The following VWC2L variants were observed in gnomAD, a reference collection of about 807,000 sequenced individuals.
VWC2L encodes von Willebrand factor C domain-containing protein 2-like.
Under a neutral mutation model 21.6 loss-of-function variants are expected in VWC2L, and 10 were observed. The ratio of observed to expected loss-of-function variants is 0.46; its 90% CI spans 0.29 to 0.78. The LOEUF (loss-of-function observed/expected upper bound fraction) is 0.78, where lower values mean the gene tolerates loss of function less well. Ranked by LOEUF, VWC2L falls within the 30% of genes least tolerant of loss-of-function variation. The pLI, the probability that VWC2L is intolerant of heterozygous loss-of-function variation, is 0.10. For missense variants in VWC2L, 209 were observed against 277.1 expected (o/e 0.75, Z 1.74); for synonymous variants, 96 against 94.3 (o/e 1.02, Z -0.10).
chr2:214,493,379 G>T (rs1688770486), intron 3 of VWC2L, among the ~76,000 whole-genome samples: 1 of 152,254 alleles, frequency 6.6e-6, no homozygotes, highest in African/African-American at 2.4e-5. Context: ...GAAAGCTATT[G>T]GTTCATATAA....
chr2:214,492,851 G>A (rs2126201865), intron 3 of VWC2L, among the ~76,000 whole-genome samples: 1 of 152,258 alleles, frequency 6.6e-6, no homozygotes, highest in Middle Eastern at 3.4e-3. Context: ...GACTGGAGAA[G>A]AATCCAAGTT....
intron 3 of VWC2L, among the ~76,000 whole-genome samples, chr2:214,443,199 T>C (rs553187730): frequency 6.6e-6 from 1 of 151,944 alleles, no homozygotes; most frequent in East Asian, 1.9e-4. Context: ...GCCAGCATGG[T>C]GAAACCCTGT....
At chr2:214,572,752 G>T (rs184515189) in intron 3 of VWC2L, among the ~76,000 whole-genome samples, 2 of 152,098 alleles carry the variant, frequency 1.3e-5, no homozygotes, top group African/African-American at 4.8e-5. Context: ...GACTTCTGTA[G>T]TTACACCTAA....
intron 3 of VWC2L, among the ~76,000 whole-genome samples, chr2:214,501,988 G>A (rs1276536628): frequency 6.6e-6 from 1 of 152,194 alleles, no homozygotes; most frequent in East Asian, 1.9e-4. Flanking sequence ...CCAGCAAGAT[G>A]AGCGGAACTC....
intron 3 of VWC2L, among the ~76,000 whole-genome samples, chr2:214,567,666 G>C (rs1690089268): frequency 1.3e-5 from 2 of 151,460 alleles, no homozygotes; most frequent in African/African-American, 4.9e-5. Flanking sequence ...CATCATCCCA[G>C]GTGCTATCAA....
chr2:214,484,575 C>A (rs994734186), intron 3 of VWC2L, among the ~76,000 whole-genome samples: 2 of 152,146 alleles, frequency 1.3e-5, no homozygotes, highest in African/African-American at 4.8e-5. Context: ...AATGGAAAAT[C>A]ATCTCCTGTT....
chr2:214,521,261 A>C (rs894575976), intron 3 of VWC2L, among the ~76,000 whole-genome samples: 5 of 150,606 alleles, frequency 3.3e-5, no homozygotes, highest in Non-Finnish European at 5.9e-5. Flanking sequence ...ATAAATAAAT[A>C]AATAAATAAA....
chr2:214,498,834 A>T (rs1175095107), intron 3 of VWC2L, among the ~76,000 whole-genome samples: 1 of 150,882 alleles, frequency 6.6e-6, no homozygotes, highest in Admixed American at 6.6e-5. Flanking sequence ...ATGTGCAAAA[A>T]AACCCACGGG....
chr2:214,453,451 T>G (rs1450877421), intron 3 of VWC2L, among the ~76,000 whole-genome samples: 2 of 152,198 alleles, frequency 1.3e-5, no homozygotes, highest in Non-Finnish European at 2.9e-5. Context: ...CTGTTCTAGG[T>G]TCTTTGATTT....
intron 2 of VWC2L, among the ~76,000 whole-genome samples, chr2:214,429,549 A>T (rs184051877): frequency 6.6e-6 from 1 of 151,912 alleles, no homozygotes; most frequent in East Asian, 1.9e-4. Flanking sequence ...TGCCTACTTT[A>T]AAAAAAATAC....
intron 3 of VWC2L, among the ~76,000 whole-genome samples, chr2:214,479,227 T>C (rs1406509562): frequency 6.6e-6 from 1 of 152,240 alleles, no homozygotes; most frequent in Non-Finnish European, 1.5e-5. Context: ...TGAAGCAAAC[T>C]TCCCATCCTA....
intron 2 of VWC2L, among the ~76,000 whole-genome samples, chr2:214,418,414 A>C (rs1702387729): frequency 6.6e-6 from 1 of 152,206 alleles, no homozygotes; most frequent in African/African-American, 2.4e-5. Flanking sequence ...ACTCCAAGCC[A>C]GGCAGCTTGA....
intron 3 of VWC2L, among the ~76,000 whole-genome samples, chr2:214,497,199 G>A (rs1299078079): frequency 4.8e-5 from 4 of 82,998 alleles, no homozygotes. Flanking sequence ...TTATTTGATA[G>A]TGTATTGGAA....
chr2:214,505,963 A>C (rs1298646282), intron 3 of VWC2L, among the ~76,000 whole-genome samples: 1 of 152,146 alleles, frequency 6.6e-6, no homozygotes, highest in African/African-American at 2.4e-5. Flanking sequence ...GGTAGCCGGG[A>C]GTGCTGGGAA....
At chr2:214,522,544 T>C (rs982986116) in intron 3 of VWC2L, among the ~76,000 whole-genome samples, 5 of 152,156 alleles carry the variant, frequency 3.3e-5, no homozygotes, top group African/African-American at 1.2e-4. Flanking sequence ...TATGATGTGA[T>C]GTGAATAAGT....
chr2:214,561,992 T>C (rs1559331733), intron 3 of VWC2L, among the ~76,000 whole-genome samples: 1 of 152,074 alleles, frequency 6.6e-6, no homozygotes, highest in Non-Finnish European at 1.5e-5. Context: ...TGTTTTTCTT[T>C]TTTTAATTTT....
chr2:214,508,656 T>C (rs1689005289), intron 3 of VWC2L, among the ~76,000 whole-genome samples: 2 of 152,260 alleles, frequency 1.3e-5, no homozygotes, highest in South Asian at 4.1e-4. Context: ...ATAAGAATCC[T>C]TGACTTTTCT....
At chr2:214,570,506 G>A (rs1690134371) in intron 3 of VWC2L, among the ~76,000 whole-genome samples, 1 of 152,104 alleles carries the variant, frequency 6.6e-6, no homozygotes, top group Non-Finnish European at 1.5e-5. Flanking sequence ...TGGGACTGCA[G>A]GGGTGCACCA....
intron 3 of VWC2L, among the ~76,000 whole-genome samples, chr2:214,452,579 G>C (rs551702569): frequency 6.6e-6 from 1 of 151,946 alleles, no homozygotes; most frequent in African/African-American, 2.4e-5. Context: ...AGAAGCCTTC[G>C]TATGGATACT....
Sources: allele counts gnomAD v4.1 joint callset (sites outside exome capture counted in the v4.1 genomes callset), GRCh38; gene constraint gnomAD v4.1.1; transcripts MANE v1.5; gene names NCBI Gene and HGNC (gene_info 2026-07-23, HGNC 2026-07-21).